RERE: variants seen among roughly 807,000 people sequenced by gnomAD.
RERE encodes the protein arginine-glutamic acid dipeptide repeats.
RERE carries 40 observed loss-of-function variants against 146.1 expected under a neutral mutation model. That is an observed-to-expected ratio of 0.27 (90% CI 0.21 to 0.36). The LOEUF (loss-of-function observed/expected upper bound fraction) is 0.36, where lower values mean the gene tolerates loss of function less well. Ranked by LOEUF, RERE falls within the 10% of genes least tolerant of loss-of-function variation. The pLI is 1.00. For synonymous variants in RERE, 1,003 were observed against 866.0 expected (o/e 1.16, Z -2.78); for missense variants, 1,933 against 2,138.7 (o/e 0.90, Z 1.90).
At chr1:8,803,245 A>G (rs1641619959) in intron 1 of RERE, among the ~76,000 whole-genome samples, 1 of 152,074 alleles carries the variant, frequency 6.6e-6, no homozygotes, top group Admixed American at 6.6e-5. Context: ...TGAGAGGCCG[A>G]GGCGGGAGGA....
At chr1:8,652,639 G>A (rs1380253240) in intron 2 of RERE, among the ~76,000 whole-genome samples, 1 of 152,192 alleles carries the variant, frequency 6.6e-6, no homozygotes, top group African/African-American at 2.4e-5. Context: ...CAGTAAGAGA[G>A]AGAAGGGCTG....
rs34547801 is a variant in RERE, at chr1:8,529,287, C to CTTTTTTTTTTTTTTTTTTTT, written c.830+11907_830+11926dup. On this transcript the variant is annotated intron_variant, in intron 7 of 22. Transcript: ENST00000400908. ...CCTCCACAACCATCAGTTCTCCCTT[C>CTTTTTTTTTTTTTTTTTTTT]TTTTTTTTTTTTTTTTTTTTGAGAT... Among the ~76,000 whole-genome samples the CTTTTTTTTTTTTTTTTTTTT allele has an allele frequency of 2.7e-4, 28 of 102,446 alleles. 2 individuals carry two copies. Among genetic ancestry groups the CTTTTTTTTTTTTTTTTTTTT allele is most frequent in the African/African-American group, 9.2e-4 (24 of 26,018 alleles). 67.2% of individuals were successfully genotyped at this position (102,446 alleles called of 152,430 possible).
intron 19 of RERE, 45 bp from the exon 20 acceptor site, chr1:8,358,961 G>A (rs752914369): frequency 1.9e-5 from 28 of 1,498,202 alleles, no homozygotes; most frequent in African/African-American, 2.8e-5. Flanking sequence ...GAGCGCCTGG[G>A]GTCTCCGCTT....
In RERE at chr1:8,785,779, G is replaced by A. The variant is rs544308103; in HGVS notation, c.-145+31381C>T. 5.3e-5 allele frequency among the ~76,000 whole-genome samples: 8 copies of A among 152,142 alleles called. No homozygotes were observed. In the South Asian group the frequency reaches 8.3e-4, roughly 16 times the overall value. On this transcript the variant is annotated intron_variant, in intron 1 of 22. Transcript: ENST00000400908. ...TGAGATTACAGGTGCCAACCACCAC[G>A]CCCAGCTAATTTTTGTATTTTTAGT...
Position 8,592,998 on chromosome 1 carries a change from C to T in RERE, c.522+21563G>A, listed in dbSNP as rs924267876. 6.6e-4 allele frequency among the ~76,000 whole-genome samples: 100 copies of T among 152,200 alleles called. 1 individual carries two copies. Among genetic ancestry groups the T allele is most frequent in the African/African-American group, 2.4e-3 (100 of 41,530 alleles). ...GAGATATGCAATAGTTCTCCTAATC[C>T]CAAGAAATGGCTACAACCTTGGGGT... On this transcript the variant is annotated intron_variant, in intron 4 of 22. Transcript: ENST00000400908.
chr1:8,534,314 G>C (rs1645697030), intron 7 of RERE, among the ~76,000 whole-genome samples: 1 of 152,114 alleles, frequency 6.6e-6, no homozygotes, highest in Non-Finnish European at 1.5e-5. Flanking sequence ...AATGAAATAA[G>C]GTTTCTTAAT....
intron 3 of RERE, among the ~76,000 whole-genome samples, chr1:8,616,587 GA>G (rs995031657): frequency 3.3e-5 from 5 of 151,916 alleles, no homozygotes; most frequent in African/African-American, 1.2e-4. Flanking sequence ...TTTCTGCATT[GA>G]AAAAAATTTC....
chr1:8,365,935 G>A lies in RERE; in HGVS notation c.1324C>T (p.Pro442Ser), dbSNP rs769546468. The stretch of plus-strand genomic sequence containing the variant: ...TGGGCTCGGGAGCTGGCTGCTTCGG[G>A]GGTCTTCTTCCAATAGTAATAGAAG... The part of the protein sequence containing the change: ...ITFYYYWKKT[P>S]EAASSRAHRR... Residue 442 changes from proline to serine, a missense_variant, in exon 13 of 23, where the codon CCC becomes TCC. Coordinates refer to ENST00000400908, the MANE Select transcript of RERE (RefSeq NM_001042681.2). The A allele has an allele frequency of 2.5e-6, 4 of 1,613,860 alleles. No individual in the cohort carries two copies. In the African/African-American group the frequency reaches 5.3e-5, roughly 22 times the overall value.
At chr1:8,631,589 C>A (rs1647036070) in intron 2 of RERE, among the ~76,000 whole-genome samples, 1 of 152,130 alleles carries the variant, frequency 6.6e-6, no homozygotes, top group African/African-American at 2.4e-5. Flanking sequence ...TAAATATTAG[C>A]CATGGTTGGA....
At chr1:8,595,152 C>T (rs1398062000) in intron 4 of RERE, among the ~76,000 whole-genome samples, 1 of 144,364 alleles carries the variant, frequency 6.9e-6, no homozygotes, top group Non-Finnish European at 1.5e-5. Context: ...AGAGCAAGAC[C>T]GTGTCCAAAA....
At chr1:8,609,406 C>T (rs1476710357) in intron 4 of RERE, among the ~76,000 whole-genome samples, 1 of 152,094 alleles carries the variant, frequency 6.6e-6, no homozygotes, top group African/African-American at 2.4e-5. Context: ...TATAAGTCGA[C>T]AGCTAGTAAT....
intron 11 of RERE, among the ~76,000 whole-genome samples, chr1:8,458,749 A>G (rs916377892): frequency 3.9e-5 from 6 of 152,232 alleles, no homozygotes; most frequent in African/African-American, 7.2e-5. Flanking sequence ...AAATGGGCAT[A>G]CTAACTTCTT....
intron 1 of RERE, among the ~76,000 whole-genome samples, chr1:8,762,226 C>T (rs1640769257): frequency 6.6e-6 from 1 of 152,180 alleles, no homozygotes; most frequent in Non-Finnish European, 1.5e-5. Flanking sequence ...AGCCTCCTAT[C>T]ACAAGTACCT....
In RERE at chr1:8,792,958, A is replaced by G. The variant is rs186117121; in HGVS notation, c.-145+24202T>C. ...GATCACTTGAGGTCAGGAGTTCGAG[A>G]CCAGCCTGGCCAACACGGTGAAACC... On this transcript the variant is annotated intron_variant, in intron 1 of 22. Transcript: ENST00000400908. Among the ~76,000 whole-genome samples the G allele has an allele frequency of 2.2e-3, 330 of 152,100 alleles. 1 individual carries two copies. Among genetic ancestry groups the G allele is most frequent in the African/African-American group, 7.7e-3 (321 of 41,488 alleles).
intron 1 of RERE, among the ~76,000 whole-genome samples, chr1:8,751,391 A>G (rs149049208): frequency 6.6e-6 from 1 of 152,288 alleles, no homozygotes; most frequent in Non-Finnish European, 1.5e-5. Context: ...CTATAGTAAC[A>G]AAGGCAATAT....
intron 1 of RERE, among the ~76,000 whole-genome samples, chr1:8,795,994 A>AAC (rs1641465331): frequency 6.9e-6 from 1 of 145,600 alleles, no homozygotes; most frequent in Admixed American, 7.1e-5. Flanking sequence ...AAAAAAAAAA[A>AAC]AAAACAAAAC....
chr1:8,625,041 G>T (rs1368111239), intron 2 of RERE, among the ~76,000 whole-genome samples: 1 of 152,196 alleles, frequency 6.6e-6, no homozygotes, highest in African/African-American at 2.4e-5. Flanking sequence ...GGGAAGAAGG[G>T]TGCTTTCTTA....
rs765127619 is a variant in RERE, at chr1:8,360,217, G to A, written c.3290C>T (p.Ala1097Val). Reference sequence around the variant, plus strand: ...CTCAGGCTCCTCAGCGTCGTCCAGAGCCTCCTCCTTGATCTGGACGGTGGG... The same window carrying A: ...CTCAGGCTCCTCAGCGTCGTCCAGAACCTCCTCCTTGATCTGGACGGTGGG... ...PLPTVQIKEE[A>V]LDDAEEPESP... The change falls in exon 18 of 23, where the codon GCT becomes GTT. Residue 1097 changes from alanine to valine, a missense_variant. Ala to Val is a moderately conservative substitution (Grantham distance 64). Coordinates refer to ENST00000400908, the MANE Select transcript of RERE (RefSeq NM_001042681.2). 2.5e-6 allele frequency: 4 copies of A among 1,590,562 alleles called. No individual in the cohort carries two copies. The East Asian group carries it at 6.8e-5, about 27-fold the overall frequency.
At chr1:8,572,313 C>G (rs1469821501) in intron 4 of RERE, among the ~76,000 whole-genome samples, 1 of 152,112 alleles carries the variant, frequency 6.6e-6, no homozygotes, top group Admixed American at 6.5e-5. Context: ...GCCAGTGTTG[C>G]CAGAAAAGCA....
Sources: gnomAD v4.1 joint callset for allele counts (sites outside exome capture counted in the v4.1 genomes callset) on GRCh38, gnomAD v4.1.1 for gene constraint, MANE v1.5 for transcripts, NCBI Gene and HGNC (gene_info 2026-07-23, HGNC 2026-07-21) for gene names.